The following IL1RAPL2 variants were observed in gnomAD, a reference collection of about 807,000 sequenced individuals.
The protein encoded by IL1RAPL2 is interleukin 1 receptor accessory protein like 2.
In IL1RAPL2, 3 loss-of-function variants were observed where a neutral mutation model predicts 44.1. The ratio of observed to expected loss-of-function variants is 0.07; its 90% CI spans 0.03 to 0.18. The LOEUF (loss-of-function observed/expected upper bound fraction) is 0.18, where lower values mean the gene tolerates loss of function less well. IL1RAPL2 is among the 10% of genes least tolerant of loss of function. The pLI, the probability that IL1RAPL2 is intolerant of heterozygous loss-of-function variation, is 1.00. For missense variants in IL1RAPL2, 391 were observed against 496.4 expected, an observed-to-expected ratio of 0.79 and a Z score of 2.02; for synonymous variants, 181 against 178.8, an observed-to-expected ratio of 1.01 and a Z score of -0.10.
At chrX:105,684,307 A>G (rs1163496123) in intron 6 of IL1RAPL2, among the ~76,000 whole-genome samples, 3 of 112,629 alleles carry the variant, frequency 2.7e-5, no homozygotes, top group African/African-American at 9.7e-5. Flanking sequence ...GATTACCTGG[A>G]AAAATGGGAC....
chrX:105,309,636 G>A (rs1326062788), intron 5 of IL1RAPL2, among the ~76,000 whole-genome samples: 1 of 108,861 alleles, frequency 9.2e-6, no homozygotes, highest in East Asian at 3.0e-4. Flanking sequence ...GGAGGCTGAG[G>A]CAGGAGAATT....
chrX:104,855,743 T>C lies in IL1RAPL2; in HGVS notation c.82+196748T>C, dbSNP rs185568693. Among the ~76,000 whole-genome samples, 288 of 102,331 alleles carry C rather than the reference T, an allele frequency of 2.8e-3. 1 individual carries two copies. Among genetic ancestry groups the C allele is most frequent in the African/African-American group, 9.6e-3 (270 of 27,998 alleles). The allele number at this position is 102,331 out of a possible 115,157, so 88.9% of individuals were successfully genotyped here. On this transcript the variant is annotated intron_variant, in intron 2 of 10. Coordinates refer to ENST00000372582, the MANE Select transcript of IL1RAPL2 (RefSeq NM_017416.2). ...CCCAGGCTAGAGTGCAATGACACTG[T>C]AGCCTCGACCTGCTGGACCCAAGCG...
intron 2 of IL1RAPL2, among the ~76,000 whole-genome samples, chrX:104,686,612 C>T (rs1404159687): frequency 4.5e-5 from 5 of 111,819 alleles, no homozygotes; most frequent in Non-Finnish European, 7.5e-5. Context: ...TCCTGGTCAG[C>T]CCCTGAAGAA....
At chrX:104,729,243 T>C (rs931300244) in intron 2 of IL1RAPL2, among the ~76,000 whole-genome samples, 12 of 111,240 alleles carry the variant, frequency 1.1e-4, no homozygotes, top group African/African-American at 3.9e-4. Flanking sequence ...TAAATTCATA[T>C]GCCAAAGGTA....
chrX:105,476,555 A>G (rs1048510922), intron 5 of IL1RAPL2, among the ~76,000 whole-genome samples: 2 of 112,055 alleles, frequency 1.8e-5, no homozygotes, highest in African/African-American at 6.5e-5. Context: ...GGACACCTAG[A>G]GAATATATCT....
chrX:104,663,691 G>T (rs1930440834), intron 2 of IL1RAPL2, among the ~76,000 whole-genome samples: 1 of 106,670 alleles, frequency 9.4e-6, no homozygotes, highest in Admixed American at 1.1e-4. Context: ...AGGGAAAGTG[G>T]TACTAGAAGA....
At chrX:105,538,060 G>A (rs768604589) in intron 6 of IL1RAPL2, among the ~76,000 whole-genome samples, 1 of 84,313 alleles carries the variant, frequency 1.2e-5, no homozygotes, top group South Asian at 5.9e-4. Flanking sequence ...TTTTTGAGAC[G>A]GAGTCTGGCT....
chrX:105,170,441 A>G (rs1187371939), intron 2 of IL1RAPL2, among the ~76,000 whole-genome samples: 2 of 111,587 alleles, frequency 1.8e-5, no homozygotes, highest in Non-Finnish European at 3.8e-5. Context: ...AATTGTACTT[A>G]CTATTACTAA....
chrX:105,171,030 GT>G (rs2033418760), intron 2 of IL1RAPL2, among the ~76,000 whole-genome samples: 1 of 111,426 alleles, frequency 9.0e-6, no homozygotes, highest in Non-Finnish European at 1.9e-5. Context: ...TCATGGAGTT[GT>G]TGAGCCAGCA....
chrX:105,475,593 A>G (rs1221611074), intron 5 of IL1RAPL2, among the ~76,000 whole-genome samples: 2 of 110,087 alleles, frequency 1.8e-5, no homozygotes, highest in African/African-American at 6.6e-5. Context: ...CATCAACAAT[A>G]TAAGGGTCCA....
chrX:104,716,905 G>A lies in IL1RAPL2; in HGVS notation c.82+57910G>A, dbSNP rs1335578570. 2.7e-5 allele frequency among the ~76,000 whole-genome samples: 3 copies of A among 111,672 alleles called. No individual in the cohort carries two copies. The Admixed American group carries it at 2.8e-4, about 11-fold the overall frequency. On this transcript the variant is annotated intron_variant, in intron 2 of 10. Transcript: ENST00000372582. ...TAAAACAGAAATACCATTAGACCCAGCAATCCCATTACTGGGTATATACCT... is the reference window on the plus strand; with the variant it reads ...TAAAACAGAAATACCATTAGACCCAACAATCCCATTACTGGGTATATACCT...
chrX:104,999,733 A>G lies in IL1RAPL2; in HGVS notation c.83-195742A>G, dbSNP rs2030818112. 5.4e-5 allele frequency among the ~76,000 whole-genome samples: 6 copies of G among 111,271 alleles called. No homozygotes were observed. The Admixed American group carries it at 5.7e-4, about 11-fold the overall frequency. Reference sequence around the variant, plus strand: ...TCTACACAGTGGTATGCATACTGTGACTACATGAAAACCAGACATCCAAGT... The same window carrying G: ...TCTACACAGTGGTATGCATACTGTGGCTACATGAAAACCAGACATCCAAGT... On this transcript the variant is annotated intron_variant, in intron 2 of 10. Coordinates refer to ENST00000372582, the MANE Select transcript of IL1RAPL2 (RefSeq NM_017416.2).
chrX:104,890,552 T>C (rs1169436602), intron 2 of IL1RAPL2, among the ~76,000 whole-genome samples: 1 of 112,608 alleles, frequency 8.9e-6, no homozygotes. Flanking sequence ...TGGCCAGTGA[T>C]GATGAGCATG....
intron 5 of IL1RAPL2, among the ~76,000 whole-genome samples, chrX:105,402,316 T>TA (rs2035611961): frequency 9.0e-6 from 1 of 111,199 alleles, no homozygotes; most frequent in African/African-American, 3.3e-5. Context: ...TCTGTAAACA[T>TA]ACATCTCAAC....
chrX:104,579,968 A>G (rs928995923), intron 1 of IL1RAPL2, among the ~76,000 whole-genome samples: 86 of 111,206 alleles, frequency 7.7e-4, no homozygotes, highest in African/African-American at 2.6e-3. Flanking sequence ...CCCTATCCCC[A>G]CACAAACATC....
chrX:104,666,096 AGTGTGTGTGTGT>A (rs775436800), intron 2 of IL1RAPL2, among the ~76,000 whole-genome samples: 1 of 106,174 alleles, frequency 9.4e-6, no homozygotes, highest in African/African-American at 3.5e-5. Context: ...TAACCTTAAA[AGTGTGTGTGTGT>A]GTGTGTGTGT....
At chrX:105,732,142 G>GT (rs946707273) in intron 7 of IL1RAPL2, among the ~76,000 whole-genome samples, 7 of 111,586 alleles carry the variant, frequency 6.3e-5, no homozygotes, top group Admixed American at 4.8e-4. Flanking sequence ...ATTTATAACA[G>GT]TTTTTTTATT....
At chrX:104,740,709 C>T (rs1932088012) in intron 2 of IL1RAPL2, among the ~76,000 whole-genome samples, 1 of 111,289 alleles carries the variant, frequency 9.0e-6, no homozygotes, top group African/African-American at 3.2e-5. Context: ...TTCAATCTAA[C>T]TATAATAATT....
intron 2 of IL1RAPL2, among the ~76,000 whole-genome samples, chrX:104,812,845 G>T (rs139586477): frequency 9.0e-6 from 1 of 111,122 alleles, no homozygotes; most frequent in East Asian, 2.8e-4. Flanking sequence ...GGAAGGATGT[G>T]TAGAGAAGGA....
Sources: gnomAD v4.1 joint callset for allele counts (sites outside exome capture counted in the v4.1 genomes callset) on GRCh38, gnomAD v4.1.1 for gene constraint, MANE v1.5 for transcripts, NCBI Gene and HGNC (gene_info 2026-07-23, HGNC 2026-07-21) for gene names.